Variants in HS6ST2 observed in about 807,000 individuals in gnomAD.
The protein encoded by HS6ST2 is heparan-sulfate 6-O-sulfotransferase 2.
In HS6ST2, 17 loss-of-function variants were observed where a neutral mutation model predicts 33.0. That is an observed-to-expected ratio of 0.52 (90% confidence interval 0.35 to 0.77). The LOEUF is 0.77. HS6ST2 is among the 30% of genes least tolerant of loss of function. The pLI, the probability that HS6ST2 is intolerant of heterozygous loss-of-function variation, is 0.01. For missense variants in HS6ST2, 519 were observed against 551.7 expected, an observed-to-expected ratio of 0.94 and a Z score of 0.59; for synonymous variants, 248 against 237.1, an observed-to-expected ratio of 1.05 and a Z score of -0.42.
chrX:132,781,259 T>C (rs1392551809), intron 2 of HS6ST2, among the ~76,000 whole-genome samples: 1 of 111,789 alleles, frequency 8.9e-6, no homozygotes, highest in Non-Finnish European at 1.9e-5. Flanking sequence ...ATAGAATAAC[T>C]TCGTATGTCC....
intron 2 of HS6ST2, among the ~76,000 whole-genome samples, chrX:132,867,573 A>G (rs1174434599): frequency 2.7e-5 from 3 of 111,832 alleles, no homozygotes; most frequent in African/African-American, 6.5e-5. Flanking sequence ...TCCTCCTTGT[A>G]CCTCTGGTAG....
chrX:132,680,531 G>C (rs1392444745), intron 3 of HS6ST2, among the ~76,000 whole-genome samples: 1 of 111,557 alleles, frequency 9.0e-6, no homozygotes, highest in East Asian at 2.8e-4. Flanking sequence ...CTTTAGAAGA[G>C]ATTACATGAG....
At chrX:132,942,727 C>G (rs1347062765) in intron 2 of HS6ST2, among the ~76,000 whole-genome samples, 1 of 112,030 alleles carries the variant, frequency 8.9e-6, no homozygotes, top group Non-Finnish European at 1.9e-5. Flanking sequence ...CCTCCAAAGG[C>G]TGTGTCTACA....
intron 4 of HS6ST2, among the ~76,000 whole-genome samples, chrX:132,662,432 G>C (rs2063780844): frequency 8.9e-6 from 1 of 112,370 alleles, no homozygotes; most frequent in African/African-American, 3.2e-5. Flanking sequence ...CCTGAGCTCT[G>C]CTAGAGCAAT....
chrX:132,891,010 T>C (rs2066304655), intron 2 of HS6ST2, among the ~76,000 whole-genome samples: 1 of 111,845 alleles, frequency 8.9e-6, no homozygotes, highest in African/African-American at 3.3e-5. Context: ...TGTATTCTTC[T>C]TGGTCAAGGA....
chrX:132,874,734 C>T (rs1390429946), intron 2 of HS6ST2, among the ~76,000 whole-genome samples: 1 of 111,688 alleles, frequency 9.0e-6, no homozygotes, highest in African/African-American at 3.3e-5. Flanking sequence ...TTCCTTGGGA[C>T]CCCCACATGT....
intron 2 of HS6ST2, among the ~76,000 whole-genome samples, chrX:132,945,333 A>G (rs1439593477): frequency 8.9e-6 from 1 of 111,877 alleles, no homozygotes; most frequent in Non-Finnish European, 1.9e-5. Flanking sequence ...TAGAATGGCG[A>G]TCATTAAAAA....
rs1285893846 is a variant in HS6ST2 at position 132,627,173 on chromosome X, A to G, written c.*1050T>C. ...GAGTTCACATTTTAGGTTAAATTCT[A>G]TCTGATCAAGAATAACTTCAGCAAT... On this transcript the variant is annotated 3_prime_UTR_variant, in exon 5 of 5. Coordinates refer to ENST00000370833, the MANE Select transcript of HS6ST2 (RefSeq NM_001394073.1). The G allele has an allele frequency of 8.9e-6, 1 of 112,804 alleles. No homozygotes were observed. Among genetic ancestry groups the G allele is most frequent in the Non-Finnish European group, 1.9e-5 (1 of 53,313 alleles). The allele number at this position is 112,804 out of a possible 1,213,427, so 9.3% of individuals were successfully genotyped here. A position where few individuals can be genotyped will look rare whatever the true frequency, so the allele number is the denominator to read the frequency against.
At chrX:132,737,574 C>A in intron 2 of HS6ST2, among the ~76,000 whole-genome samples, 1 of 112,058 alleles carries the variant, frequency 8.9e-6, no homozygotes, top group South Asian at 3.7e-4. Flanking sequence ...TCTACCCCTG[C>A]AAGCCCATCT....
intron 2 of HS6ST2, among the ~76,000 whole-genome samples, chrX:132,870,646 A>G (rs1223670088): frequency 2.7e-5 from 3 of 111,502 alleles, no homozygotes; most frequent in Non-Finnish European, 5.7e-5. Flanking sequence ...TGACAAAACT[A>G]TCAAAAACAA....
chrX:132,743,652 A>G (rs1228659922), intron 2 of HS6ST2, among the ~76,000 whole-genome samples: 1 of 111,766 alleles, frequency 8.9e-6, no homozygotes, highest in African/African-American at 3.3e-5. Flanking sequence ...GAGATTTTAT[A>G]CTGACTTGCC....
chrX:132,836,343 C>T (rs2065643983), intron 2 of HS6ST2, among the ~76,000 whole-genome samples: 1 of 112,513 alleles, frequency 8.9e-6, no homozygotes, highest in Non-Finnish European at 1.9e-5. Flanking sequence ...AGACCTTTTT[C>T]ATGTGTAATT....
At chrX:132,731,465 A>G (rs1186603015) in intron 2 of HS6ST2, among the ~76,000 whole-genome samples, 1 of 111,076 alleles carries the variant, frequency 9.0e-6, no homozygotes, top group African/African-American at 3.3e-5. Flanking sequence ...CTACATTTTG[A>G]CCCCTAAGAT....
chrX:132,844,862 T>C (rs2065736751), intron 2 of HS6ST2, among the ~76,000 whole-genome samples: 1 of 110,556 alleles, frequency 9.0e-6, no homozygotes, highest in East Asian at 2.8e-4. Context: ...TTAGTTCCAT[T>C]CAATCAGCAT....
intron 2 of HS6ST2, among the ~76,000 whole-genome samples, chrX:132,893,075 G>C (rs1017471868): frequency 5.4e-5 from 6 of 111,953 alleles, no homozygotes; most frequent in African/African-American, 1.9e-4. Context: ...TGGAACCCAC[G>C]GATATAGAGG....
chrX:132,719,128 C>G (rs1046317386), intron 2 of HS6ST2, among the ~76,000 whole-genome samples: 3 of 111,239 alleles, frequency 2.7e-5, no homozygotes, highest in African/African-American at 9.8e-5. Context: ...ATGATCAGGG[C>G]CATCCTCTAG....
At chrX:132,908,135 A>G (rs2066492697) in intron 2 of HS6ST2, among the ~76,000 whole-genome samples, 2 of 112,601 alleles carry the variant, frequency 1.8e-5, no homozygotes, top group African/African-American at 6.5e-5. Flanking sequence ...TATAAAATAT[A>G]CAAATAGAAA....
intron 2 of HS6ST2, among the ~76,000 whole-genome samples, chrX:132,870,001 T>C (rs1840001628): frequency 9.0e-6 from 1 of 111,504 alleles, no homozygotes; most frequent in Non-Finnish European, 1.9e-5. Flanking sequence ...ATGACATGAT[T>C]GTATATCTAG....
intron 2 of HS6ST2, among the ~76,000 whole-genome samples, chrX:132,727,595 G>A (rs1348273765): frequency 1.8e-5 from 2 of 111,014 alleles, no homozygotes; most frequent in Non-Finnish European, 3.8e-5. Context: ...TAGCAGCCAC[G>A]GATTCAGGTG....
Sources: allele counts gnomAD v4.1 joint callset (sites outside exome capture counted in the v4.1 genomes callset), GRCh38; gene constraint gnomAD v4.1.1; transcripts MANE v1.5; gene names NCBI Gene and HGNC (gene_info 2026-07-23, HGNC 2026-07-21).